The following CCT5 variants were observed in gnomAD, a reference collection of about 807,000 sequenced individuals.
CCT5 encodes the protein chaperonin containing TCP1 subunit 5, also known as T-complex protein 1 subunit epsilon.
In CCT5, 6 loss-of-function variants were observed where a neutral mutation model predicts 55.0. The observed-to-expected ratio is 0.11, with a 90% CI of 0.06 to 0.22. CCT5 has a LOEUF of 0.22. Among genes scored for constraint, CCT5 ranks in the 10% least tolerant of loss-of-function variants. CCT5 has a pLI of 1.00. For missense variants in CCT5, 560 were observed against 694.6 expected, an observed-to-expected ratio of 0.81 and a Z score of 2.18; for synonymous variants, 231 against 243.7, an observed-to-expected ratio of 0.95 and a Z score of 0.49.
At chr5:10,254,563 T>A (rs1745583246) in intron 2 of CCT5, 111 bp from the exon 3 acceptor site, 1 of 927,360 alleles carries the variant, frequency 1.1e-6, no homozygotes, top group Admixed American at 1.8e-5. Flanking sequence ...GTTGCATTAT[T>A]TGTATATAAT....
chr5:10,259,411 G>A (rs994929289), intron 6 of CCT5, among the ~76,000 whole-genome samples: 2 of 152,212 alleles, frequency 1.3e-5, no homozygotes, highest in African/African-American at 4.8e-5. Context: ...GTTGTTGAAT[G>A]TACTCATTGA....
intron 2 of CCT5, 71 bp downstream of exon 2, chr5:10,254,276 A>G (rs1415788246): frequency 1.8e-6 from 2 of 1,103,308 alleles, no homozygotes; most frequent in Non-Finnish European, 2.8e-6. Context: ...AAACCTCTCT[A>G]CAGAAAGGTG....
rs1745592577 is a variant in CCT5, at chr5:10,254,754, G to A, written c.247G>A (p.Val83Ile). 7 of 1,612,802 alleles carry A rather than the reference G, an allele frequency of 4.3e-6. No homozygotes were observed. Among genetic ancestry groups the A allele is most frequent in the Non-Finnish European group, 5.9e-6 (7 of 1,178,762 alleles). Residue 83 changes from valine to isoleucine, a missense_variant, in exon 3 of 11, where the codon GTT becomes ATT. By Grantham distance (29) the Val-to-Ile change is conservative (BLOSUM62 3). Coordinates refer to ENST00000280326, the MANE Select transcript of CCT5 (RefSeq NM_012073.5). The stretch of plus-strand genomic sequence containing the variant: ...GGCCACCATCTTAAGCATGATGGAT[G>A]TTGATCATCAGATTGCCAAGCTGAT... ...DGATILSMMD[V>I]DHQIAKLMVE...
At chr5:10,254,953 C>G (rs1745599872) in intron 3 of CCT5, 115 bp downstream of exon 3, 2 of 889,732 alleles carry the variant, frequency 2.2e-6, no homozygotes, top group Non-Finnish European at 3.7e-6. Context: ...ACAGACAAAT[C>G]CAAGTTGAAA....
chr5:10,249,925 A>AC (rs1745266696), upstream of CCT5: 19 of 1,027,720 alleles, frequency 1.8e-5, no homozygotes, highest in Middle Eastern at 3.7e-4. Flanking sequence ...AAAAAAAAAA[A>AC]AAAAAAAAAC....
In CCT5 at chr5:10,250,285, C is replaced by G; in HGVS notation, c.-56C>G. 1.9e-6 allele frequency: 3 copies of G among 1,612,342 alleles called. No individual in the cohort carries two copies. The highest frequency in any genetic ancestry group is 2.5e-6 in the Non-Finnish European group (3 of 1,179,400). The stretch of plus-strand genomic sequence containing the variant: ...CCCTCCCGAGAAAGGGAAGTGCATT[C>G]TCGCTTCCGTAGCGGTCTCCGCCGG... On this transcript the variant is annotated 5_prime_UTR_variant, in exon 1 of 11. Coordinates refer to ENST00000280326, the MANE Select transcript of CCT5 (RefSeq NM_012073.5).
intron 6 of CCT5, 91 bp from the exon 7 acceptor site, chr5:10,260,701 C>CAGT: frequency 7.1e-7 from 1 of 1,414,748 alleles, no homozygotes; most frequent in Non-Finnish European, 1.0e-6. Flanking sequence ...ACCTGCCTTA[C>CAGT]ACCCAACTGT....
At position 10,265,742 on chromosome 5, in the gene CCT5, T is replaced by A. The variant is rs1222600898; in HGVS notation, c.*959T>A. 2 of 143,724 alleles carry A rather than the reference T, an allele frequency of 1.4e-5. No homozygotes were observed. Among genetic ancestry groups the A allele is most frequent in the African/African-American group, 2.5e-5 (1 of 40,160 alleles). The allele number at this position is 143,724 out of a possible 1,614,324, so 8.9% of individuals were successfully genotyped here. A position where few individuals can be genotyped will look rare whatever the true frequency, so the allele number is the denominator to read the frequency against. On this transcript the variant is annotated 3_prime_UTR_variant, in exon 11 of 11. Coordinates refer to ENST00000280326, the MANE Select transcript of CCT5 (RefSeq NM_012073.5). Reference sequence around the variant, plus strand: ...GTAGGGCCAGGTCAATCCCAGGCAGTCTGACCCCAGAGTGGCCCAGCTCAT... The same window carrying A: ...GTAGGGCCAGGTCAATCCCAGGCAGACTGACCCCAGAGTGGCCCAGCTCAT...
At chr5:10,263,380 A>G (rs1746073175) in intron 10 of CCT5, 66 bp downstream of exon 10, 3 of 1,406,766 alleles carry the variant, frequency 2.1e-6, no homozygotes, top group African/African-American at 2.9e-5. Flanking sequence ...ATAATCATCC[A>G]CTGTATGTGC....
chr5:10,250,862 C>T (rs1156296504), intron 1 of CCT5: 8 of 1,046,700 alleles, frequency 7.6e-6, no homozygotes, highest in Non-Finnish European at 8.1e-6. Context: ...CCACCCGCAA[C>T]GGCCCTTCCG....
upstream of CCT5, chr5:10,250,036 A>T: frequency 6.5e-7 from 1 of 1,543,022 alleles, no homozygotes; most frequent in Non-Finnish European, 8.7e-7. Context: ...CTATCGAGAA[A>T]CTATCAGTGG....
rs779876496 is a variant in CCT5, at chr5:10,254,745, A to G, written c.238A>G (p.Met80Val). 6.8e-6 allele frequency: 11 copies of G among 1,613,568 alleles called. No homozygotes were observed. The South Asian group carries it at 1.1e-4, about 16-fold the overall frequency. Residue 80 changes from methionine (M) to valine (V), a missense_variant, in exon 3 of 11, where the codon ATG becomes GTG. Physicochemically the swap from Met to Val is conservative, Grantham distance 21 (BLOSUM62 1). Coordinates refer to ENST00000280326, the MANE Select transcript of CCT5 (RefSeq NM_012073.5). ...TAATGATGGGGCCACCATCTTAAGC[A>G]TGATGGATGTTGATCATCAGATTGC... The part of the protein sequence containing the change: ...VTNDGATILS[M>V]MDVDHQIAKL...
intron 1 of CCT5, among the ~76,000 whole-genome samples, chr5:10,252,694 G>A (rs1745485364): frequency 6.6e-6 from 1 of 151,556 alleles, no homozygotes; most frequent in Non-Finnish European, 1.5e-5. Context: ...CTAAAACAGA[G>A]CAGGCTAAGT....
Position 10,261,894 on chromosome 5 carries a change from G to T in CCT5, c.1179+149G>T, listed in dbSNP as rs767375395. 8.1e-6 allele frequency: 6 copies of T among 744,142 alleles called. No homozygotes were observed. In the South Asian group the frequency reaches 8.7e-5, roughly 11 times the overall value. 46.1% of individuals were successfully genotyped at this position (744,142 alleles called of 1,614,324 possible). ...TGACGTATCATGGTGTAAAATTACT[G>T]AAGACCATGTTAAATTGTTAATTTC... On this transcript the variant is annotated intron_variant, in intron 8 of 10. Transcript: ENST00000280326.
At chr5:10,262,648 A>G in intron 9 of CCT5, 30 bp downstream of exon 9, 1 of 1,613,248 alleles carries the variant, frequency 6.2e-7, no homozygotes. Context: ...TTAGTGAAAG[A>G]TTCAGGCCTC....
At chr5:10,264,142 G>A (rs1311042243) in intron 10 of CCT5, among the ~76,000 whole-genome samples, 1 of 152,044 alleles carries the variant, frequency 6.6e-6, no homozygotes, top group Non-Finnish European at 1.5e-5. Flanking sequence ...CCTGGTCAGG[G>A]CAGGCACCTG....
intron 6 of CCT5, among the ~76,000 whole-genome samples, chr5:10,259,091 ATTTAAC>A (rs1478284141): frequency 6.6e-6 from 1 of 152,240 alleles, no homozygotes; most frequent in Non-Finnish European, 1.5e-5. Context: ...TCCTGGACAA[ATTTAAC>A]TTAGCTTACC....
intron 2 of CCT5, 69 bp downstream of exon 2, chr5:10,254,274 C>G (rs1745566902): frequency 8.8e-7 from 1 of 1,134,936 alleles, no homozygotes. Flanking sequence ...ATAAACCTCT[C>G]TACAGAAAGG....
At chr5:10,258,645 G>GA (rs1745800242) in intron 6 of CCT5, 110 bp downstream of exon 6, 15 of 1,023,894 alleles carry the variant, frequency 1.5e-5, no homozygotes, top group Middle Eastern at 2.0e-4. Flanking sequence ...ACATACACAG[G>GA]AAAAAACCAA....
Sources: gnomAD v4.1 joint callset for allele counts (sites outside exome capture counted in the v4.1 genomes callset) on GRCh38, gnomAD v4.1.1 for gene constraint, MANE v1.5 for transcripts, NCBI Gene and HGNC (gene_info 2026-07-23, HGNC 2026-07-21) for gene names.